The following EXOC4 variants were observed in gnomAD, a reference collection of about 807,000 sequenced individuals.
The protein encoded by EXOC4 is exocyst complex component 4, also known as SEC8-like 1.
In EXOC4, 71 loss-of-function variants were observed where a neutral mutation model predicts 107.2. The ratio of observed to expected loss-of-function variants is 0.66; its 90% CI spans 0.55 to 0.81. The LOEUF (loss-of-function observed/expected upper bound fraction) is 0.81. EXOC4 is among the 30% of genes least tolerant of loss of function. EXOC4 has a pLI of 0.00. For missense variants in EXOC4, 1,108 were observed against 1,189.6 expected, an observed-to-expected ratio of 0.93 and a Z score of 1.01; for synonymous variants, 456 against 441.2, an observed-to-expected ratio of 1.03 and a Z score of -0.42.
intron 14 of EXOC4, among the ~76,000 whole-genome samples, chr7:133,947,495 T>G (rs922799579): frequency 6.6e-6 from 1 of 152,186 alleles, no homozygotes; most frequent in African/African-American, 2.4e-5. Flanking sequence ...AAGCCAGGGT[T>G]GAATTTGAAA....
chr7:133,852,885 T>A (rs6979346), intron 11 of EXOC4, among the ~76,000 whole-genome samples: 7 of 152,226 alleles, frequency 4.6e-5, no homozygotes, highest in Admixed American at 1.3e-4. Flanking sequence ...CATTTATTGC[T>A]TACTTTCACA....
At chr7:133,895,835 C>A in intron 12 of EXOC4, 100 bp downstream of exon 12, 2 of 1,320,322 alleles carry the variant, frequency 1.5e-6, no homozygotes, top group Non-Finnish European at 2.1e-6. Context: ...AAAGGATCAT[C>A]TCTGAGTTTG....
intron 10 of EXOC4, among the ~76,000 whole-genome samples, chr7:133,686,002 C>T (rs10246665): frequency 0.54 from 82,137 of 151,954 alleles, 22,712 homozygotes; most frequent in East Asian, 0.66. Context: ...TTAAGATAAC[C>T]GCCTCTAATT....
At chr7:133,378,526 T>C (rs992721310) in intron 7 of EXOC4, among the ~76,000 whole-genome samples, 2 of 152,008 alleles carry the variant, frequency 1.3e-5, no homozygotes, top group East Asian at 3.8e-4. Context: ...TTTTATAATA[T>C]ATTTTGGAAG....
chr7:133,344,423 G>T (rs1347275663), intron 5 of EXOC4, among the ~76,000 whole-genome samples: 1 of 151,942 alleles, frequency 6.6e-6, no homozygotes, highest in Non-Finnish European at 1.5e-5. Flanking sequence ...TATGATATTG[G>T]GGTGTTTTAT....
intron 14 of EXOC4, among the ~76,000 whole-genome samples, chr7:133,982,005 A>C (rs1271425039): frequency 6.6e-6 from 1 of 152,250 alleles, no homozygotes; most frequent in African/African-American, 2.4e-5. Context: ...ATGCAGGAAC[A>C]GAAAACCAAA....
chr7:133,803,617 C>G (rs1045573266), intron 10 of EXOC4, among the ~76,000 whole-genome samples: 1 of 152,124 alleles, frequency 6.6e-6, no homozygotes, highest in African/African-American at 2.4e-5. Flanking sequence ...CATATTGTAT[C>G]ATTTTAATGT....
At chr7:133,478,669 A>G (rs978752074) in intron 8 of EXOC4, among the ~76,000 whole-genome samples, 1 of 152,170 alleles carries the variant, frequency 6.6e-6, no homozygotes, top group Non-Finnish European at 1.5e-5. Context: ...GGAGGACTTT[A>G]TTACCCTCTT....
intron 10 of EXOC4, among the ~76,000 whole-genome samples, chr7:133,680,782 G>A (rs1299910039): frequency 1.3e-5 from 2 of 152,090 alleles, no homozygotes. Flanking sequence ...TACATCAAAC[G>A]AAGCAAAGAG....
At chr7:133,552,087 G>A (rs1200152577) in intron 9 of EXOC4, among the ~76,000 whole-genome samples, 1 of 152,096 alleles carries the variant, frequency 6.6e-6, no homozygotes, top group East Asian at 1.9e-4. Context: ...ATGGCACTTG[G>A]CATTTTGATT....
chr7:133,258,111 T>A (rs1180061330), intron 1 of EXOC4, among the ~76,000 whole-genome samples: 1 of 152,240 alleles, frequency 6.6e-6, no homozygotes, highest in Non-Finnish European at 1.5e-5. Flanking sequence ...TGGGACATCT[T>A]GGCCCTACTG....
At chr7:133,767,029 C>T (rs985175304) in intron 10 of EXOC4, among the ~76,000 whole-genome samples, 4 of 151,844 alleles carry the variant, frequency 2.6e-5, no homozygotes, top group Admixed American at 6.6e-5. Context: ...TAGTGATAAG[C>T]GGGGAACTCT....
chr7:133,920,306 A>C (rs933708829), intron 13 of EXOC4, among the ~76,000 whole-genome samples: 3 of 152,164 alleles, frequency 2.0e-5, no homozygotes, highest in Admixed American at 6.5e-5. Flanking sequence ...TATTTTGCAA[A>C]GATTTTCTCC....
chr7:133,287,951 G>A (rs141472707), intron 2 of EXOC4, among the ~76,000 whole-genome samples: 1,605 of 152,240 alleles, frequency 0.011, 16 homozygotes, highest in Non-Finnish European at 0.018. Flanking sequence ...ATTGATGAAG[G>A]TTTGGATTAT....
At chr7:133,524,674 C>A (rs556396973) in intron 9 of EXOC4, among the ~76,000 whole-genome samples, 1 of 151,952 alleles carries the variant, frequency 6.6e-6, no homozygotes, top group East Asian at 1.9e-4. Context: ...GCCATTTTCC[C>A]AGCACCATTT....
At chr7:133,966,766 G>T (rs1801080063) in intron 14 of EXOC4, among the ~76,000 whole-genome samples, 1 of 152,172 alleles carries the variant, frequency 6.6e-6, no homozygotes, top group Non-Finnish European at 1.5e-5. Context: ...TGTTCATCAG[G>T]GATATTGCCC....
chr7:134,070,981 A>G (rs1028350391), downstream of EXOC4, among the ~76,000 whole-genome samples: 18 of 152,142 alleles, frequency 1.2e-4, no homozygotes, highest in African/African-American at 4.1e-4. Flanking sequence ...TCTTTCACAC[A>G]AGGATTTATT....
chr7:133,679,523 C>CCCAT (rs1473427725), intron 10 of EXOC4, among the ~76,000 whole-genome samples: 5 of 124,172 alleles, frequency 4.0e-5, no homozygotes, highest in African/African-American at 1.4e-4. Flanking sequence ...TTGCTACTGC[C>CCCAT]CCATCCATCC....
At chr7:133,774,210 C>T (rs910958732) in intron 10 of EXOC4, among the ~76,000 whole-genome samples, 1 of 152,078 alleles carries the variant, frequency 6.6e-6, no homozygotes, top group Non-Finnish European at 1.5e-5. Context: ...CCAGGCTGAT[C>T]TCTTGTATTA....
Sources: gnomAD v4.1 joint callset for allele counts (sites outside exome capture counted in the v4.1 genomes callset) on GRCh38, gnomAD v4.1.1 for gene constraint, MANE v1.5 for transcripts, NCBI Gene and HGNC (gene_info 2026-07-23, HGNC 2026-07-21) for gene names.